The following STX3 variants were observed in gnomAD, a reference collection of about 807,000 sequenced individuals.
STX3 encodes the protein syntaxin 3, also known as syntaxin-3.
A neutral mutation model predicts 40.2 loss-of-function variants in STX3; 19 were observed. That is an observed-to-expected ratio of 0.47 (90% CI 0.33 to 0.69). The LOEUF (loss-of-function observed/expected upper bound fraction) is 0.69, where lower values mean the gene tolerates loss of function less well. Among genes scored for constraint, STX3 ranks in the 30% least tolerant of loss-of-function variants. The pLI, the probability that STX3 is intolerant of heterozygous loss-of-function variation, is 0.02. For missense variants in STX3, 364 were observed against 366.7 expected (o/e 0.99, Z 0.06); for synonymous variants, 122 against 132.2 (o/e 0.92, Z 0.53).
chr11:59,755,630 AAGG>A lies in STX3; in HGVS notation c.26_28del (p.Lys9_Ala10delinsThr). 6.3e-7 allele frequency: 1 copy of A among 1,593,860 alleles called. No homozygotes were observed. The highest frequency in any genetic ancestry group is 8.5e-7 in the Non-Finnish European group (1 of 1,175,978). On this transcript the variant is annotated inframe_deletion and splice_region_variant, in exon 1 of 11. Coordinates refer to ENST00000337979, the MANE Select transcript of STX3 (RefSeq NM_004177.5). ...GATGAAGGACCGTCTGGAGCAGCTG[AAGG>A]CCGTGAGTTTCGCCGCAGGCGGGGT...
At chr11:59,790,303 A>T (rs1318668526) in intron 4 of STX3, among the ~76,000 whole-genome samples, 1 of 152,128 alleles carries the variant, frequency 6.6e-6, no homozygotes, top group Non-Finnish European at 1.5e-5. Flanking sequence ...GGTGACCAGA[A>T]CCCATGCTGT....
intron 4 of STX3, 144 bp from the exon 5 acceptor site, chr11:59,790,375 C>A: frequency 1.5e-6 from 1 of 662,666 alleles, no homozygotes; most frequent in Non-Finnish European, 2.8e-6. Flanking sequence ...TGTGGCTCAT[C>A]TGGGAGCTGA....
Position 59,755,399 on chromosome 11 carries a change from TG to T in STX3, c.-202del, listed in dbSNP as rs1862648313. The T allele has an allele frequency of 7.5e-6, 3 of 400,410 alleles. No homozygotes were observed. The highest frequency in any genetic ancestry group is 9.4e-5 in the Admixed American group (2 of 21,182). 24.8% of individuals were successfully genotyped at this position (400,410 alleles called of 1,614,324 possible). ...CCGGATTTGGAGCGCGAGGCGCCGG[TG>T]GGGGCGGAGGGGGCTGCGCGGCGGA... is the stretch of plus-strand genomic sequence containing the variant. On this transcript the variant is annotated 5_prime_UTR_variant, in exon 1 of 11. Coordinates refer to ENST00000337979, the MANE Select transcript of STX3 (RefSeq NM_004177.5).
chr11:59,775,200 T>C (rs545724772), intron 2 of STX3, among the ~76,000 whole-genome samples: 6 of 152,282 alleles, frequency 3.9e-5, no homozygotes, highest in Admixed American at 3.9e-4. Flanking sequence ...CTGGCCTGAT[T>C]GGGAAGTTGG....
intron 10 of STX3, among the ~76,000 whole-genome samples, chr11:59,797,904 T>C (rs564917318): frequency 1.3e-5 from 2 of 152,378 alleles, no homozygotes; most frequent in African/African-American, 2.4e-5. Context: ...TTTTGAGTGT[T>C]GTGTTGTACC....
intron 2 of STX3, among the ~76,000 whole-genome samples, chr11:59,783,952 T>C (rs1864590288): frequency 6.6e-6 from 1 of 152,018 alleles, no homozygotes; most frequent in Non-Finnish European, 1.5e-5. Context: ...CTACAGTGGG[T>C]GGAGGATGGG....
chr11:59,797,350 C>G lies in STX3; in HGVS notation c.854C>G (p.Ser285Cys), dbSNP rs1410258656. The G allele has an allele frequency of 1.2e-6, 2 of 1,614,034 alleles. No homozygotes were observed. Among genetic ancestry groups the G allele is most frequent in the East Asian group, 4.5e-5 (2 of 44,876 alleles). ...ATTTTAGCATTGATTATTGGACTTT[C>G]CGTTGGGCTGAATTAAGAGTGGCCT... Reference protein sequence around the residue: ...LGILALIIGLSVGLN With the variant: ...LGILALIIGLCVGLN Residue 285 changes from serine to cysteine, a missense_variant, in exon 10 of 11, where the codon TCC becomes TGC. By Grantham distance (112) the Ser-to-Cys change is moderately radical (BLOSUM62 -1). Transcript: ENST00000337979.
intron 8 of STX3, 125 bp downstream of exon 8, chr11:59,793,639 T>A: frequency 1.5e-6 from 2 of 1,337,492 alleles, no homozygotes; most frequent in South Asian, 1.5e-5. Flanking sequence ...GGAATTTGCA[T>A]AAAGGAGAAA....
At chr11:59,792,006 C>T (rs958634175) in intron 5 of STX3, 101 bp from the exon 6 acceptor site, 14 of 965,480 alleles carry the variant, frequency 1.5e-5, no homozygotes, top group Admixed American at 1.2e-4. Flanking sequence ...TTTTTGATTC[C>T]AAGTCCAGTG....
At chr11:59,778,240 G>A (rs1201542327) in intron 2 of STX3, among the ~76,000 whole-genome samples, 1 of 152,204 alleles carries the variant, frequency 6.6e-6, no homozygotes, top group East Asian at 1.9e-4. Flanking sequence ...CAGAGTCAGA[G>A]CTCTATTTGG....
rs1052751887 is a variant in STX3 at position 59,793,366 on chromosome 11, G to A, written c.541-14G>A. 10 of 1,612,098 alleles carry A rather than the reference G, an allele frequency of 6.2e-6. No individual in the cohort carries two copies. The highest frequency in any genetic ancestry group is 8.5e-6 in the Non-Finnish European group (10 of 1,178,466). On this transcript the variant is annotated splice_polypyrimidine_tract_variant and intron_variant, in intron 7 of 10. Coordinates refer to ENST00000337979, the MANE Select transcript of STX3 (RefSeq NM_004177.5). ...TGCAGGGGTAGCTAACAGTCTGTGT[G>A]TGGCCTGTTGTAGATCATTGACTCA...
intron 5 of STX3, among the ~76,000 whole-genome samples, chr11:59,791,071 G>C (rs1220307167): frequency 6.6e-6 from 1 of 151,886 alleles, no homozygotes; most frequent in African/African-American, 2.4e-5. Flanking sequence ...GGTGCTCTCA[G>C]CATCAAAAGA....
At chr11:59,763,892 C>T (rs1863158006) in intron 1 of STX3, among the ~76,000 whole-genome samples, 1 of 152,072 alleles carries the variant, frequency 6.6e-6, no homozygotes, top group Non-Finnish European at 1.5e-5. Flanking sequence ...GTGGCGCATG[C>T]CTGTAATCCC....
intron 8 of STX3, 62 bp from the exon 9 acceptor site, chr11:59,795,310 C>A: frequency 1.5e-6 from 2 of 1,357,364 alleles, no homozygotes; most frequent in Non-Finnish European, 2.1e-6. Context: ...AATCCCTTCC[C>A]CGCATTGGCT....
At chr11:59,797,200 G>T in intron 9 of STX3, 83 bp from the exon 10 acceptor site, 1 of 994,048 alleles carries the variant, frequency 1.0e-6, no homozygotes, top group South Asian at 1.3e-5. Flanking sequence ...ATGTAGAGGT[G>T]ACAGGGGTTA....
At chr11:59,764,564 A>G (rs1863192899) in intron 1 of STX3, among the ~76,000 whole-genome samples, 1 of 152,174 alleles carries the variant, frequency 6.6e-6, no homozygotes, top group Admixed American at 6.5e-5. Flanking sequence ...TCACTCATGC[A>G]TATAGGTTAA....
chr11:59,767,390 G>C (rs1863334305), intron 1 of STX3, among the ~76,000 whole-genome samples: 1 of 152,182 alleles, frequency 6.6e-6, no homozygotes, highest in African/African-American at 2.4e-5. Context: ...CAGATATGTT[G>C]ATTCTTTGAT....
chr11:59,790,119 A>G (rs1475233711), intron 4 of STX3, among the ~76,000 whole-genome samples: 1 of 152,228 alleles, frequency 6.6e-6, no homozygotes, highest in African/African-American at 2.4e-5. Context: ...TGCACCTGCC[A>G]TTGTGCTAGG....
intron 1 of STX3, among the ~76,000 whole-genome samples, chr11:59,769,100 A>C (rs949031986): frequency 3.3e-5 from 5 of 152,190 alleles, no homozygotes; most frequent in African/African-American, 9.7e-5. Context: ...TCATCCATTG[A>C]TGGATACTTA....
Sources: allele counts gnomAD v4.1 joint callset (sites outside exome capture counted in the v4.1 genomes callset), GRCh38; gene constraint gnomAD v4.1.1; transcripts MANE v1.5; gene names NCBI Gene and HGNC (gene_info 2026-07-23, HGNC 2026-07-21).